SF3B2: variants seen among roughly 807,000 people sequenced by gnomAD.
SF3B2 encodes SAP 145.
SF3B2 carries 22 observed loss-of-function variants against 116.3 expected under a neutral mutation model. The observed-to-expected ratio is 0.19, with a 90% CI of 0.14 to 0.27. SF3B2 has a LOEUF of 0.27. SF3B2 is among the 10% of genes least tolerant of loss of function. SF3B2 has a pLI of 1.00. For missense variants in SF3B2, 767 were observed against 1,151.4 expected, an observed-to-expected ratio of 0.67 and a Z score of 4.83; for synonymous variants, 406 against 421.6, an observed-to-expected ratio of 0.96 and a Z score of 0.45.
At chr11:66,052,581 G>A in intron 1 of SF3B2, 64 bp downstream of exon 1, 1 of 1,592,458 alleles carries the variant, frequency 6.3e-7, no homozygotes, top group South Asian at 1.1e-5. Context: ...CTGGTTACCC[G>A]GGAGACTCGG....
rs760646936 is a variant in SF3B2 at position 66,055,104 on chromosome 11, C to G, written c.287C>G (p.Pro96Arg). Residue 96 changes from proline to arginine, a missense_variant, in exon 4 of 22, where the codon CCT (proline) becomes CGT (arginine). Transcript: ENST00000322535. ...QLPGIPMPPP[P>R]LGLPPLQPPP... is the part of the protein sequence containing the mutation. ...CCTGGAATTCCCATGCCACCACCAC[C>G]TTTGGGACTCCCCCCTCTGCAGCCT... The G allele has an allele frequency of 6.5e-7, 1 of 1,537,288 alleles. No homozygotes were observed.
Position 66,059,645 on chromosome 11 carries a change from C to T in SF3B2, c.1401+50C>T. 1 of 1,591,174 alleles carries T rather than the reference C, an allele frequency of 6.3e-7. No homozygotes were observed. The highest frequency in any genetic ancestry group is 8.6e-7 in the Non-Finnish European group (1 of 1,159,260). On this transcript the variant is annotated intron_variant, in intron 12 of 21. Transcript: ENST00000322535. The surrounding 1 kb of genome is among the most constrained non-coding windows in gnomAD (Gnocchi z 5.0). ...GCCCTGGAGCCCAGCTGGGAGACCACCTGGGGAGCCAGGGAGGTGAAAAGG... is the reference window on the plus strand; with the variant it reads ...GCCCTGGAGCCCAGCTGGGAGACCATCTGGGGAGCCAGGGAGGTGAAAAGG...
At chr11:66,067,468 T>C in intron 19 of SF3B2, 1 of 456,320 alleles carries the variant, frequency 2.2e-6, no homozygotes, top group South Asian at 1.5e-5. Context: ...GTGGTAGATT[T>C]GCTCTTGTTC....
Position 66,059,242 on chromosome 11 carries a change from G to A in SF3B2, c.1224G>A (p.Glu408=), listed in dbSNP as rs746884484. 139 of 1,614,006 alleles carry A rather than the reference G, an allele frequency of 8.6e-5. No homozygotes were observed. Among genetic ancestry groups the A allele is most frequent in the Non-Finnish European group, 1.2e-4 (138 of 1,180,030 alleles). The change falls in exon 11 of 22, where the codon GAG becomes GAA. Residue 408 remains glutamate (E), a synonymous_variant. Coordinates refer to ENST00000322535, the MANE Select transcript of SF3B2 (RefSeq NM_006842.3). The surrounding 1 kb of genome is among the most constrained non-coding windows in gnomAD (Gnocchi z 5.0). The stretch of plus-strand genomic sequence containing the variant: ...AGAAGGAGAAAGAGAAGGAGCCAGA[G>A]AAACTTGACAAACTGGAGAACTCTG... ...DVKKEKEKEP[E]KLDKLENSAA... is the part of the protein sequence containing the mutation.
chr11:66,063,440 G>A lies in SF3B2; in HGVS notation c.2126G>A (p.Gly709Glu). 1 of 1,614,160 alleles carries A rather than the reference G, an allele frequency of 6.2e-7. No homozygotes were observed. Residue 709 changes from glycine (G) to glutamate (E), a missense_variant, in exon 18 of 22, where the codon GGG (glycine) becomes GAG (glutamate). Transcript: ENST00000322535. ...EEEEIDRTPWGELEPSDEESS... is the reference protein window; with the variant it reads ...EEEEIDRTPWEELEPSDEESS... ...GAAGAGATTGATCGGACCCCTTGGG[G>A]GGAACTGGAACCATCTGATGAAGAA...
chr11:66,062,499 GAAAT>G (rs1857116070), intron 16 of SF3B2, among the ~76,000 whole-genome samples: 1 of 149,696 alleles, frequency 6.7e-6, no homozygotes, highest in Non-Finnish European at 1.5e-5. Flanking sequence ...AAAGAAAAAA[GAAAT>G]AATTTTTTTT....
Position 66,052,450 on chromosome 11 carries a change from C to G in SF3B2, c.66C>G (p.Gly22=). 6.2e-7 allele frequency: 1 copy of G among 1,613,726 alleles called. No individual in the cohort carries two copies. The highest frequency in any genetic ancestry group is 1.1e-5 in the South Asian group (1 of 91,076). Residue 22 remains glycine, a synonymous_variant, in exon 1 of 22, where the codon GGC becomes GGG. Transcript: ENST00000322535. The part of the protein sequence containing the change: ...ELQLPPPPPP[G]HYGAWAAQEL... ...AGCTGCCGCCGCCGCCACCTCCAGG[C>G]CACTATGGCGCCTGGGCTGCCCAGG...
rs1857217602 is a variant in SF3B2 at position 66,068,015 on chromosome 11, G to A, written c.2400G>A (p.Met800Ile). ...KRTATVGGAM[M>I]GSTHIYDMST... is the part of the protein sequence containing the mutation. ...CAGCCACTGTTGGAGGGGCCATGAT[G>A]GGATCAACCCACATTTATGACATGT... Residue 800 changes from methionine to isoleucine, a missense_variant, in exon 20 of 22, where the codon ATG becomes ATA. Met to Ile is a conservative substitution (Grantham distance 10, BLOSUM62 1). Transcript: ENST00000322535. The A allele has an allele frequency of 1.2e-6, 2 of 1,614,068 alleles. No homozygotes were observed. Among genetic ancestry groups the A allele is most frequent in the Admixed American group, 1.7e-5 (1 of 60,004 alleles).
chr11:66,067,773 A>ACCC (rs577311481), intron 19 of SF3B2, 173 bp from the exon 20 acceptor site: 2 of 601,930 alleles, frequency 3.3e-6, no homozygotes, highest in Non-Finnish European at 5.9e-6. Flanking sequence ...GCACTGTGCC[A>ACCC]CCCCCCCGCC....
At chr11:66,062,954 T>A in intron 16 of SF3B2, 55 bp from the exon 17 acceptor site, 1 of 1,253,698 alleles carries the variant, frequency 8.0e-7, no homozygotes, top group Non-Finnish European at 1.1e-6. Flanking sequence ...TCTCTAGGGC[T>A]TCAGAATTTC....
intron 19 of SF3B2, chr11:66,066,564 T>C (rs990311290): frequency 5.9e-5 from 9 of 152,220 alleles, no homozygotes; most frequent in Admixed American, 5.2e-4. Context: ...TATATGGAGA[T>C]AGTTTGATCC....
At chr11:66,053,169 T>C in intron 3 of SF3B2, 65 bp downstream of exon 3, 1 of 1,446,876 alleles carries the variant, frequency 6.9e-7, no homozygotes. Context: ...ATGAGCATGA[T>C]GATTGGGTGT....
chr11:66,053,188 ATG>A, intron 3 of SF3B2, 84 bp downstream of exon 3: 1 of 1,240,832 alleles, frequency 8.1e-7, no homozygotes, highest in Non-Finnish European at 1.2e-6. Context: ...GTTCACGTGC[ATG>A]TGTGAGATGT....
chr11:66,060,132 C>A, intron 13 of SF3B2, 123 bp downstream of exon 13: 1 of 884,264 alleles, frequency 1.1e-6, no homozygotes, highest in Non-Finnish European at 1.7e-6. Flanking sequence ...TCTAATTATC[C>A]TTTTGTTTTC....
chr11:66,056,785 C>A, intron 5 of SF3B2, 53 bp from the exon 6 acceptor site: 3 of 1,362,942 alleles, frequency 2.2e-6, no homozygotes, highest in Non-Finnish European at 3.2e-6. Flanking sequence ...TTGCCAGGGG[C>A]TGCCTGCCAA....
rs369790799 is a variant in SF3B2 at position 66,063,568 on chromosome 11, G to A, written c.2228+26G>A. 3.7e-6 allele frequency: 6 copies of A among 1,611,272 alleles called. No individual in the cohort carries two copies. In the African/African-American group the frequency reaches 8.0e-5, roughly 22 times the overall value. On this transcript the variant is annotated intron_variant, in intron 18 of 21. Transcript: ENST00000322535. ...GTGGGGGAAGCAGAGAATGCCTCTT[G>A]GAAGTGGGCTATCTTTGGGGTCCTT...
chr11:66,052,664 G>A lies in SF3B2; in HGVS notation c.134-9G>A, dbSNP rs375823946. On this transcript the variant is annotated splice_polypyrimidine_tract_variant and intron_variant, in intron 1 of 21. Coordinates refer to ENST00000322535, the MANE Select transcript of SF3B2 (RefSeq NM_006842.3). ...GCCTGCCCCATTGATCGTGTACTTT[G>A]CCCTGCAGGTAATCGCGAGGAGCTG... 74 of 1,596,492 alleles carry A rather than the reference G, an allele frequency of 4.6e-5. No individual in the cohort carries two copies. In the African/African-American group the frequency reaches 9.4e-4, roughly 20 times the overall value.
Position 66,058,162 on chromosome 11 carries a change from G to C in SF3B2, c.874+12G>C, listed in dbSNP as rs1323460964. ...GAATTCTCAGCAGGGTGAGTGCCAG[G>C]CGTTCTGATGCTGTAGCCACAGAAC... On this transcript the variant is annotated intron_variant, in intron 8 of 21. Transcript: ENST00000322535. 1.2e-6 allele frequency: 2 copies of C among 1,604,142 alleles called. No individual in the cohort carries two copies. The highest frequency in any genetic ancestry group is 2.2e-5 in the East Asian group (1 of 44,690).
At chr11:66,055,396 G>T (rs1404128908) in intron 4 of SF3B2, 81 bp downstream of exon 4, 3 of 1,589,972 alleles carry the variant, frequency 1.9e-6, no homozygotes, top group Middle Eastern at 2.1e-4. Context: ...CTGGGTCCTA[G>T]AACTAAGGCT....
Sources: allele counts gnomAD v4.1 joint callset (sites outside exome capture counted in the v4.1 genomes callset), GRCh38; gene constraint gnomAD v4.1.1; non-coding constraint Gnocchi (gnomAD v3.1); transcripts MANE v1.5; gene names NCBI Gene and HGNC (gene_info 2026-07-23, HGNC 2026-07-21).